Variants in PRELID3A observed in about 807,000 individuals in gnomAD.
PRELID3A encodes PRELI domain containing protein 3A.
A neutral mutation model predicts 23.0 loss-of-function variants in PRELID3A; 27 were observed. The observed-to-expected ratio is 1.17, with a 90% CI of 0.87 to 1.62. The LOEUF is 1.62. PRELID3A is among the 40% of genes most tolerant of loss of function. The pLI, the probability that PRELID3A is intolerant of heterozygous loss-of-function variation, is 0.00. For synonymous variants in PRELID3A, 87 were observed against 86.4 expected (o/e 1.01, Z -0.04); for missense variants, 231 against 231.4 (o/e 1.00, Z 0.01).
chr18:12,421,379 C>T lies in PRELID3A; in HGVS notation c.202-161C>T. On this transcript the variant is annotated intron_variant, in intron 2 of 6. Coordinates refer to ENST00000440960, the MANE Select transcript of PRELID3A (RefSeq NM_001142405.2). The stretch of plus-strand genomic sequence containing the variant: ...TTGCTCAGTGGCTCACCTGCTGGAG[C>T]GGAAGCGCCCTGGACACAGGGGTTT... 3 of 597,362 alleles carry T rather than the reference C, an allele frequency of 5.0e-6. 1 individual carries two copies. The highest frequency in any genetic ancestry group is 8.9e-6 in the Non-Finnish European group (3 of 335,316). The allele number at this position is 597,362 out of a possible 1,614,324, so 37.0% of individuals were successfully genotyped here.
At chr18:12,418,993 A>T (rs2030049141) in intron 1 of PRELID3A, among the ~76,000 whole-genome samples, 1 of 152,174 alleles carries the variant, frequency 6.6e-6, no homozygotes, top group South Asian at 2.1e-4. Context: ...GTTCGACATC[A>T]ACCTGGCAAC....
At chr18:12,411,912 C>CTTTTT (rs773964175) in intron 1 of PRELID3A, among the ~76,000 whole-genome samples, 1 of 138,094 alleles carries the variant, frequency 7.2e-6, no homozygotes, top group Non-Finnish European at 1.6e-5. Context: ...TCTTTTCTTT[C>CTTTTT]TTTTTTTTTT....
At chr18:12,420,643 CA>C (rs1304875732) in intron 2 of PRELID3A, 150 bp downstream of exon 2, 9 of 761,580 alleles carry the variant, frequency 1.2e-5, no homozygotes, top group African/African-American at 2.0e-5. Context: ...TTCCTGAGAT[CA>C]GGGGGCGCGG....
intron 1 of PRELID3A, among the ~76,000 whole-genome samples, chr18:12,417,801 A>T (rs535109126): frequency 1.3e-5 from 2 of 152,296 alleles, no homozygotes; most frequent in East Asian, 3.9e-4. Context: ...CTCTGACTGA[A>T]TTCCTAGAGT....
intron 3 of PRELID3A, among the ~76,000 whole-genome samples, chr18:12,423,902 G>T (rs1158820550): frequency 5.3e-5 from 8 of 152,202 alleles, no homozygotes; most frequent in Admixed American, 2.6e-4. Flanking sequence ...AGCTTCTCAG[G>T]TGGCCATGGG....
intron 1 of PRELID3A, among the ~76,000 whole-genome samples, chr18:12,418,209 T>TA (rs2030025055): frequency 6.6e-6 from 1 of 152,242 alleles, no homozygotes; most frequent in Non-Finnish European, 1.5e-5. Flanking sequence ...AAGAATTAGA[T>TA]ATGTTGAAAG....
intron 6 of PRELID3A, among the ~76,000 whole-genome samples, chr18:12,430,714 AGT>A (rs1189254901): frequency 1.5e-5 from 2 of 131,092 alleles, no homozygotes; most frequent in Non-Finnish European, 3.2e-5. Context: ...ATGTGTGTAT[AGT>A]GTGTGCTCTG....
chr18:12,408,111 C>T, intron 1 of PRELID3A, 104 bp downstream of exon 1: 2 of 1,018,236 alleles, frequency 2.0e-6, no homozygotes, highest in Non-Finnish European at 2.5e-6. Flanking sequence ...CAGCGGGCCT[C>T]GCGGAGATCC....
rs1909771692 is a variant in PRELID3A at position 12,407,951 on chromosome 18, G to A, written c.-25G>A. ...CCCGAAGCACCCGGCCCGGATCGCA[G>A]AGCCCGCGCCCTGCGCCGGCGGCAA... On this transcript the variant is annotated 5_prime_UTR_variant, in exon 1 of 7. Coordinates refer to ENST00000440960, the MANE Select transcript of PRELID3A (RefSeq NM_001142405.2). 6 of 1,293,990 alleles carry A rather than the reference G, an allele frequency of 4.6e-6. No homozygotes were observed. The highest frequency in any genetic ancestry group is 5.9e-6 in the Non-Finnish European group (6 of 1,023,432). The allele number at this position is 1,293,990 out of a possible 1,614,324, so 80.2% of individuals were successfully genotyped here.
At chr18:12,411,994 TCCGCCTC>T (rs1909931976) in intron 1 of PRELID3A, among the ~76,000 whole-genome samples, 1 of 149,266 alleles carries the variant, frequency 6.7e-6, no homozygotes, top group Admixed American at 6.8e-5. Context: ...CACTGCAAGC[TCCGCCTC>T]CCGGGTTCAC....
chr18:12,410,464 T>C (rs1909871343), intron 1 of PRELID3A, among the ~76,000 whole-genome samples: 2 of 152,168 alleles, frequency 1.3e-5, no homozygotes, highest in African/African-American at 4.8e-5. Flanking sequence ...GGGTTATGAA[T>C]GATGTGGTAC....
At position 12,426,533 on chromosome 18, in the gene PRELID3A, T is replaced by G. The variant is rs537349136; in HGVS notation, c.292-508T>G. On this transcript the variant is annotated intron_variant, in intron 3 of 6. Transcript: ENST00000440960. ...CGCGCCACTGCACTCCAGCCTGGGCTACACAGTGAGACTCCATCTCAAAAA... is the reference window on the plus strand; with the variant it reads ...CGCGCCACTGCACTCCAGCCTGGGCGACACAGTGAGACTCCATCTCAAAAA... Among the ~76,000 whole-genome samples the G allele has an allele frequency of 1.2e-4, 9 of 76,142 alleles. No homozygotes were observed. In the East Asian group the frequency reaches 1.8e-3, roughly 16 times the overall value. 50.0% of individuals were successfully genotyped at this position (76,142 alleles called of 152,430 possible). A position where few individuals can be genotyped will look rare whatever the true frequency, so the allele number is the denominator to read the frequency against.
intron 1 of PRELID3A, among the ~76,000 whole-genome samples, chr18:12,414,619 G>A (rs112757295): frequency 0.048 from 7,236 of 152,126 alleles, 263 homozygotes; most frequent in African/African-American, 0.097. Context: ...CTAGCTACTC[G>A]GGAAGCTGAG....
intron 1 of PRELID3A, among the ~76,000 whole-genome samples, chr18:12,413,780 C>T (rs531367850): frequency 2.0e-5 from 3 of 152,092 alleles, no homozygotes; most frequent in Non-Finnish European, 2.9e-5. Flanking sequence ...GACGGGGTTT[C>T]GCCATGTTGG....
At chr18:12,423,288 A>G (rs1037000392) in intron 3 of PRELID3A, among the ~76,000 whole-genome samples, 14 of 152,290 alleles carry the variant, frequency 9.2e-5, no homozygotes, top group African/African-American at 3.1e-4. Flanking sequence ...AGAGGGAGCC[A>G]CTGAGAGTTT....
Position 12,431,778 on chromosome 18 carries a change from C to T in PRELID3A, c.*662C>T, listed in dbSNP as rs1485216510. Reference sequence around the variant, plus strand: ...GCTGGGGTCCAGGGGTTTCCCGGCCCTTTCTGCAGGCTGTGCCAGCCCCCT... The same window carrying T: ...GCTGGGGTCCAGGGGTTTCCCGGCCTTTTCTGCAGGCTGTGCCAGCCCCCT... On this transcript the variant is annotated 3_prime_UTR_variant, in exon 7 of 7. Coordinates refer to ENST00000440960, the MANE Select transcript of PRELID3A (RefSeq NM_001142405.2). 1.3e-5 allele frequency: 2 copies of T among 152,274 alleles called. No individual in the cohort carries two copies. The highest frequency in any genetic ancestry group is 4.8e-5 in the African/African-American group (2 of 41,458). 9.4% of individuals were successfully genotyped at this position (152,274 alleles called of 1,614,324 possible). A position where few individuals can be genotyped will look rare whatever the true frequency, so the allele number is the denominator to read the frequency against.
chr18:12,430,065 G>C (rs867293424), intron 6 of PRELID3A, among the ~76,000 whole-genome samples: 10 of 152,350 alleles, frequency 6.6e-5, no homozygotes, highest in African/African-American at 2.4e-4. Context: ...GCGCTGCTCT[G>C]GGCTGCTCGT....
intron 1 of PRELID3A, among the ~76,000 whole-genome samples, chr18:12,408,283 CGACAGCCAGGGCGGG>C (rs1447993754): frequency 6.6e-6 from 1 of 151,626 alleles, no homozygotes; most frequent in Admixed American, 6.6e-5. Context: ...CGCTGGTGGT[CGACAGCCAGGGCGGG>C]GGCAGCCGGA....
intron 1 of PRELID3A, among the ~76,000 whole-genome samples, chr18:12,418,482 GTATGTGTGTCTGCATGCA>G (rs1280082425): frequency 6.6e-6 from 1 of 152,236 alleles, no homozygotes; most frequent in Non-Finnish European, 1.5e-5. Flanking sequence ...GCATGTGCAT[GTATGTGTGTCTGCATGCA>G]TATGTGCACA....
Sources: gnomAD v4.1 joint callset for allele counts (sites outside exome capture counted in the v4.1 genomes callset) on GRCh38, gnomAD v4.1.1 for gene constraint, MANE v1.5 for transcripts, NCBI Gene and HGNC (gene_info 2026-07-23, HGNC 2026-07-21) for gene names.